The following ALPK1 variants were observed in gnomAD, a reference collection of about 807,000 sequenced individuals.
The protein encoded by ALPK1 is alpha-protein kinase 1.
In ALPK1, 110 loss-of-function variants were observed where a neutral mutation model predicts 120.6. That is an observed-to-expected ratio of 0.91 (90% CI 0.78 to 1.07). ALPK1 has a LOEUF of 1.07. Among genes scored for constraint, ALPK1 ranks in the 50% least tolerant of loss-of-function variants. The probability of loss-of-function intolerance (pLI) is 0.00; values close to 1 mark genes in which losing one functional copy is unlikely to be tolerated. For synonymous variants in ALPK1, 582 were observed against 560.3 expected, an observed-to-expected ratio of 1.04 and a Z score of -0.55; for missense variants, 1,498 against 1,483.9, an observed-to-expected ratio of 1.01 and a Z score of -0.16.
At chr4:112,376,260 C>T (rs1012961265) in intron 2 of ALPK1, among the ~76,000 whole-genome samples, 2 of 152,196 alleles carry the variant, frequency 1.3e-5, no homozygotes, top group African/African-American at 2.4e-5. Flanking sequence ...AATGCCCTTT[C>T]AAGTAACACA....
At chr4:112,316,640 T>A (rs1728644530) in intron 2 of ALPK1, among the ~76,000 whole-genome samples, 1 of 152,222 alleles carries the variant, frequency 6.6e-6, no homozygotes, top group African/African-American at 2.4e-5. Context: ...ACATGTTATT[T>A]TCTGATTTTT....
intron 1 of ALPK1, among the ~76,000 whole-genome samples, chr4:112,306,189 G>T (rs909756765): frequency 6.6e-6 from 1 of 151,946 alleles, no homozygotes; most frequent in African/African-American, 2.4e-5. Flanking sequence ...ATGTTCATCA[G>T]GGATATTGGT....
chr4:112,303,767 C>T (rs540064927), intron 1 of ALPK1, among the ~76,000 whole-genome samples: 6 of 151,430 alleles, frequency 4.0e-5, no homozygotes, highest in Non-Finnish European at 7.4e-5. Flanking sequence ...GCACAACATG[C>T]AGGTTTGTTT....
intron 2 of ALPK1, chr4:112,358,785 A>T (rs1276940085): frequency 1.2e-6 from 1 of 826,230 alleles, no homozygotes; most frequent in South Asian, 1.3e-5. Flanking sequence ...CAAGCTCTTC[A>T]TGGTGGCCAT....
rs1734552135 is a variant in ALPK1, at chr4:112,431,529, C to T, written c.1982C>T (p.Ser661Phe). ...QEPNNDNLEP[S>F]QNQPQQQMPL... is the part of the protein sequence containing the mutation. ...CCCAACAATGACAATTTGGAGCCTT[C>T]TCAAAATCAGCCACAGCAACAGATG... is the stretch of plus-strand genomic sequence containing the variant. Residue 661 changes from serine to phenylalanine, a missense_variant, in exon 11 of 16, where the codon TCT becomes TTT. Ser to Phe is a radical substitution (Grantham distance 155, BLOSUM62 -2). Coordinates refer to ENST00000650871, the MANE Select transcript of ALPK1 (RefSeq NM_025144.4). The T allele has an allele frequency of 6.2e-7, 1 of 1,614,240 alleles. No individual in the cohort carries two copies.
intron 12 of ALPK1, among the ~76,000 whole-genome samples, chr4:112,436,809 G>C (rs1734808473): frequency 6.6e-6 from 1 of 152,100 alleles, no homozygotes; most frequent in Admixed American, 6.6e-5. Flanking sequence ...CAGCAGCCCT[G>C]ATACACCAGA....
chr4:112,404,129 GAAGA>G (rs1335618396), intron 4 of ALPK1, among the ~76,000 whole-genome samples: 1 of 152,186 alleles, frequency 6.6e-6, no homozygotes, highest in Non-Finnish European at 1.5e-5. Flanking sequence ...TTGGTGAAGA[GAAGA>G]AAGAGATTGA....
intron 4 of ALPK1, among the ~76,000 whole-genome samples, chr4:112,392,947 G>A (rs1732488498): frequency 6.6e-6 from 1 of 152,148 alleles, no homozygotes; most frequent in African/African-American, 2.4e-5. Flanking sequence ...AAACGCTCAG[G>A]GGCTGAAAGC....
chr4:112,426,342 G>A, intron 7 of ALPK1, 125 bp from the exon 8 acceptor site: 1 of 647,616 alleles, frequency 1.5e-6, no homozygotes. Flanking sequence ...CTAAGCCTAA[G>A]TTTTCCTAAC....
intron 4 of ALPK1, among the ~76,000 whole-genome samples, chr4:112,408,623 G>A (rs191110615): frequency 6.6e-6 from 1 of 152,154 alleles, no homozygotes; most frequent in Non-Finnish European, 1.5e-5. Context: ...ACAGGCATTT[G>A]CTACCATGCC....
intron 2 of ALPK1, chr4:112,358,468 C>G: frequency 1.5e-6 from 1 of 664,220 alleles, no homozygotes; most frequent in Admixed American, 2.3e-5. Context: ...AGAGTCTCGA[C>G]CTGCACGTCC....
chr4:112,438,002 A>G (rs1232728155), intron 12 of ALPK1, among the ~76,000 whole-genome samples: 3 of 152,208 alleles, frequency 2.0e-5, no homozygotes. Context: ...ACTTTCTTCA[A>G]GTCACTCAAG....
At chr4:112,326,851 C>G (rs754654038) in intron 2 of ALPK1, among the ~76,000 whole-genome samples, 1 of 152,134 alleles carries the variant, frequency 6.6e-6, no homozygotes, top group Non-Finnish European at 1.5e-5. Context: ...GAGGTCTGAT[C>G]AGGAGGCATT....
intron 13 of ALPK1, among the ~76,000 whole-genome samples, chr4:112,439,251 T>G (rs1734921052): frequency 6.6e-6 from 1 of 152,180 alleles, no homozygotes; most frequent in South Asian, 2.1e-4. Flanking sequence ...ATCATCCATT[T>G]CATACCTTCT....
chr4:112,382,689 A>G, intron 4 of ALPK1, 137 bp downstream of exon 4: 1 of 1,221,772 alleles, frequency 8.2e-7, no homozygotes, highest in South Asian at 1.4e-5. Flanking sequence ...AGATTGACTA[A>G]TGTGAGGGAA....
intron 2 of ALPK1, among the ~76,000 whole-genome samples, chr4:112,372,643 C>G (rs1051262362): frequency 3.9e-5 from 6 of 152,120 alleles, no homozygotes; most frequent in African/African-American, 1.4e-4. Flanking sequence ...CACTTAAAAT[C>G]TACTCTCTTA....
chr4:112,389,050 T>C (rs1057392320), intron 4 of ALPK1, among the ~76,000 whole-genome samples: 6 of 151,172 alleles, frequency 4.0e-5, no homozygotes, highest in Admixed American at 1.3e-4. Context: ...ATGCTGGCTT[T>C]TTTTTTTTTT....
chr4:112,428,911 C>T (rs368935923), intron 9 of ALPK1, among the ~76,000 whole-genome samples: 14 of 152,278 alleles, frequency 9.2e-5, no homozygotes, highest in Middle Eastern at 3.4e-3. Flanking sequence ...GAACTGCCAC[C>T]GTCCTCCAAA....
At chr4:112,354,882 G>T (rs1730532878) in intron 2 of ALPK1, among the ~76,000 whole-genome samples, 1 of 152,038 alleles carries the variant, frequency 6.6e-6, no homozygotes, top group African/African-American at 2.4e-5. Context: ...TTTTCATCAG[G>T]AATGTCTTTA....
Sources: allele counts gnomAD v4.1 joint callset (sites outside exome capture counted in the v4.1 genomes callset), GRCh38; gene constraint gnomAD v4.1.1; transcripts MANE v1.5; gene names NCBI Gene and HGNC (gene_info 2026-07-23, HGNC 2026-07-21).